SEMA6D: variants seen among roughly 807,000 people sequenced by gnomAD.
SEMA6D encodes semaphorin 6D.
A neutral mutation model predicts 106.6 loss-of-function variants in SEMA6D; 35 were observed. That is an observed-to-expected ratio of 0.33 (90% CI 0.25 to 0.44). The LOEUF is 0.44. Among genes scored for constraint, SEMA6D ranks in the 20% least tolerant of loss-of-function variants. The pLI, the probability that SEMA6D is intolerant of heterozygous loss-of-function variation, is 1.00. For missense variants in SEMA6D, 1,185 were observed against 1,345.9 expected (o/e 0.88, Z 1.87); for synonymous variants, 499 against 487.7 (o/e 1.02, Z -0.31).
intron 2 of SEMA6D, among the ~76,000 whole-genome samples, chr15:47,436,641 A>T (rs747977499): frequency 3.6e-4 from 54 of 150,604 alleles, no homozygotes; most frequent in Non-Finnish European, 7.1e-4. Context: ...TTAAAGATGG[A>T]TATTTTAGGC....
intron 1 of SEMA6D, among the ~76,000 whole-genome samples, chr15:47,747,186 C>T (rs1275564546): frequency 1.3e-5 from 2 of 152,042 alleles, no homozygotes; most frequent in African/African-American, 2.4e-5. Flanking sequence ...GTTTCTAGGA[C>T]AATTTTGCTT....
At chr15:47,242,663 G>GA (rs2032983191) in intron 1 of SEMA6D, among the ~76,000 whole-genome samples, 2 of 152,146 alleles carry the variant, frequency 1.3e-5, no homozygotes, top group South Asian at 4.1e-4. Flanking sequence ...GGTTGAAGGA[G>GA]AAAATGTTAT....
At chr15:47,224,728 G>A (rs1294179888) in intron 1 of SEMA6D, among the ~76,000 whole-genome samples, 2 of 152,066 alleles carry the variant, frequency 1.3e-5, no homozygotes, top group Non-Finnish European at 2.9e-5. Flanking sequence ...CAGTTATTCA[G>A]TTGAACTGTA....
upstream of SEMA6D, among the ~76,000 whole-genome samples, chr15:47,714,646 A>G (rs772646245): frequency 2.0e-5 from 3 of 152,232 alleles, no homozygotes; most frequent in Non-Finnish European, 1.5e-5. Context: ...GCCCTTTACA[A>G]TTTCTTCTGG....
intron 4 of SEMA6D, among the ~76,000 whole-genome samples, chr15:47,684,247 T>A (rs2145641666): frequency 6.6e-6 from 1 of 151,820 alleles, no homozygotes; most frequent in Non-Finnish European, 1.5e-5. Context: ...ATTACAATAA[T>A]AAAAAAAATT....
At chr15:47,436,776 T>A (rs1358954556) in intron 2 of SEMA6D, among the ~76,000 whole-genome samples, 7 of 144,176 alleles carry the variant, frequency 4.9e-5, no homozygotes, top group South Asian at 2.2e-4. Flanking sequence ...AAAATATATA[T>A]ATATATATAT....
intron 2 of SEMA6D, among the ~76,000 whole-genome samples, chr15:47,436,750 A>G (rs1462016031): frequency 1.6e-5 from 1 of 61,956 alleles, no homozygotes; most frequent in Non-Finnish European, 2.9e-5. Context: ...GGGCAGTCCT[A>G]TCTCTATTAA....
intron 1 of SEMA6D, among the ~76,000 whole-genome samples, chr15:47,237,420 C>T (rs193162860): frequency 4.1e-4 from 58 of 141,856 alleles, no homozygotes; most frequent in South Asian, 9.1e-4. Context: ...TCATGATAAA[C>T]GTTTCTAGTA....
intron 3 of SEMA6D, among the ~76,000 whole-genome samples, chr15:47,556,628 C>T (rs375202882): frequency 6.6e-6 from 1 of 151,972 alleles, no homozygotes; most frequent in Non-Finnish European, 1.5e-5. Flanking sequence ...GAAGTGTGTG[C>T]CATCCCTAAA....
intron 1 of SEMA6D, among the ~76,000 whole-genome samples, chr15:47,281,759 G>A (rs1187215524): frequency 6.6e-6 from 1 of 151,992 alleles, no homozygotes; most frequent in Non-Finnish European, 1.5e-5. Context: ...ATATTCATGT[G>A]AATTTACTGC....
chr15:47,315,102 G>A (rs1353823844), intron 1 of SEMA6D, among the ~76,000 whole-genome samples: 1 of 151,692 alleles, frequency 6.6e-6, no homozygotes, highest in Non-Finnish European at 1.5e-5. Flanking sequence ...TCCTGACCTC[G>A]TGATCCGCCT....
At chr15:47,217,566 G>GGTGTGTGT (rs146342466) in intron 1 of SEMA6D, among the ~76,000 whole-genome samples, 6,646 of 145,856 alleles carry the variant, frequency 0.046, 312 homozygotes, top group African/African-American at 0.12. Flanking sequence ...CGCGTGCACG[G>GGTGTGTGT]GTGTGTGTGT....
chr15:47,618,642 C>T (rs2077047486), intron 4 of SEMA6D, among the ~76,000 whole-genome samples: 1 of 152,130 alleles, frequency 6.6e-6, no homozygotes, highest in Non-Finnish European at 1.5e-5. Flanking sequence ...TTTAGCTTCA[C>T]GTTTGACCTT....
At chr15:47,377,403 C>T (rs955212631) in intron 1 of SEMA6D, among the ~76,000 whole-genome samples, 9 of 152,098 alleles carry the variant, frequency 5.9e-5, no homozygotes, top group Non-Finnish European at 1.3e-4. Context: ...TGCTTGTAAG[C>T]ACCTCCTGAG....
intron 4 of SEMA6D, among the ~76,000 whole-genome samples, chr15:47,622,809 T>G (rs1706674169): frequency 6.6e-6 from 1 of 152,196 alleles, no homozygotes; most frequent in Admixed American, 6.5e-5. Flanking sequence ...CAGGGGTTGG[T>G]ATTGATAAGG....
chr15:47,344,637 G>A (rs1305376049), intron 1 of SEMA6D, among the ~76,000 whole-genome samples: 2 of 152,178 alleles, frequency 1.3e-5, no homozygotes, highest in African/African-American at 2.4e-5. Flanking sequence ...ACATGGAAGA[G>A]AACACTAGAG....
At position 47,526,234 on chromosome 15, in the gene SEMA6D, A is replaced by G. The variant is rs768183997; in HGVS notation, c.-87+55689A>G. ...GTCCCATATCTTTTCTTCATTCTGAATGGCTAAGGCCTATTGACCATTTTT... is the reference window on the plus strand; with the variant it reads ...GTCCCATATCTTTTCTTCATTCTGAGTGGCTAAGGCCTATTGACCATTTTT... On this transcript the variant is annotated intron_variant, in intron 3 of 19. Transcript: ENST00000558014. Among the ~76,000 whole-genome samples the G allele has an allele frequency of 2.6e-5, 4 of 152,126 alleles. No homozygotes were observed. The South Asian group carries it at 6.2e-4, about 24-fold the overall frequency.
chr15:47,762,444 C>A, intron 8 of SEMA6D, 125 bp downstream of exon 8: 2 of 1,084,036 alleles, frequency 1.8e-6, no homozygotes, highest in Non-Finnish European at 2.6e-6. Flanking sequence ...CAAGTACACA[C>A]TGCTTTGATT....
At chr15:47,677,119 C>T (rs1176765423) in intron 4 of SEMA6D, among the ~76,000 whole-genome samples, 1 of 152,098 alleles carries the variant, frequency 6.6e-6, no homozygotes, top group Non-Finnish European at 1.5e-5. Context: ...GCTCACCCAC[C>T]ACTCACCTCC....
Sources: gnomAD v4.1 joint callset for allele counts (sites outside exome capture counted in the v4.1 genomes callset) on GRCh38, gnomAD v4.1.1 for gene constraint, MANE v1.5 for transcripts, NCBI Gene and HGNC (gene_info 2026-07-23, HGNC 2026-07-21) for gene names.